TENM3: variants seen among roughly 807,000 people sequenced by gnomAD.
The protein encoded by TENM3 is teneurin-3.
A neutral mutation model predicts 255.1 loss-of-function variants in TENM3; 63 were observed. That is an observed-to-expected ratio of 0.25 (90% CI 0.20 to 0.30). The LOEUF (loss-of-function observed/expected upper bound fraction) is 0.30. TENM3 is among the 10% of genes least tolerant of loss of function. The pLI, the probability that TENM3 is intolerant of heterozygous loss-of-function variation, is 1.00. For synonymous variants in TENM3, 1,306 were observed against 1,322.3 expected (o/e 0.99, Z 0.27); for missense variants, 2,929 against 3,461.1 (o/e 0.85, Z 3.86).
intron 6 of TENM3, among the ~76,000 whole-genome samples, chr4:182,664,394 C>T (rs541534480): frequency 6.6e-6 from 1 of 152,146 alleles, no homozygotes; most frequent in Non-Finnish European, 1.5e-5. Flanking sequence ...TCTGACTGCT[C>T]CGTGACCAGC....
chr4:182,685,083 T>C (rs1024067407), intron 11 of TENM3, among the ~76,000 whole-genome samples: 1 of 152,140 alleles, frequency 6.6e-6, no homozygotes, highest in Non-Finnish European at 1.5e-5. Context: ...AGCTAATGTA[T>C]AATATTGATG....
chr4:182,181,455 TAGTG>T (rs1752836128), intron 1 of TENM3, among the ~76,000 whole-genome samples: 1 of 152,192 alleles, frequency 6.6e-6, no homozygotes, highest in Non-Finnish European at 1.5e-5. Flanking sequence ...AAACCAGTAT[TAGTG>T]AGGAGATCAA....
At chr4:181,683,245 C>T in the TENM3 span, among the ~76,000 whole-genome samples, 11 of 151,894 alleles carry the variant, frequency 7.2e-5, no homozygotes, top group Non-Finnish European at 1.2e-4. Flanking sequence ...TAGCTCATTC[C>T]GACATTTACA....
intron 3 of TENM3, among the ~76,000 whole-genome samples, chr4:182,537,379 C>G (rs1004451542): frequency 6.6e-6 from 1 of 152,170 alleles, no homozygotes; most frequent in Non-Finnish European, 1.5e-5. Flanking sequence ...AGATCTCTCT[C>G]TTGTCTAGTT....
chr4:181,795,180 A>G, the TENM3 span, among the ~76,000 whole-genome samples: 1 of 152,150 alleles, frequency 6.6e-6, no homozygotes, highest in East Asian at 1.9e-4. Context: ...TCAGGCTGCT[A>G]TCACAAAAGT....
At chr4:182,360,633 T>G (rs555949592) in intron 3 of TENM3, among the ~76,000 whole-genome samples, 1 of 152,154 alleles carries the variant, frequency 6.6e-6, no homozygotes, top group Non-Finnish European at 1.5e-5. Context: ...GTGAGATGGG[T>G]TTCCTGAATA....
At chr4:181,799,411 A>C in the TENM3 span, among the ~76,000 whole-genome samples, 1 of 152,262 alleles carries the variant, frequency 6.6e-6, no homozygotes, top group Non-Finnish European at 1.5e-5. Context: ...TGGTGCTTCC[A>C]CAAACGTATC....
the TENM3 span, among the ~76,000 whole-genome samples, chr4:182,081,583 C>CAAAAAA: frequency 8.0e-5 from 7 of 87,468 alleles, no homozygotes; most frequent in Non-Finnish European, 1.1e-4. Flanking sequence ...GGCTCTGCCT[C>CAAAAAA]AAAAAAAAAA....
intron 3 of TENM3, among the ~76,000 whole-genome samples, chr4:182,383,590 C>A (rs1767712431): frequency 6.6e-6 from 1 of 151,868 alleles, no homozygotes; most frequent in African/African-American, 2.4e-5. Flanking sequence ...GAATATAATA[C>A]CCAATAGATA....
chr4:181,564,750 T>C, the TENM3 span, among the ~76,000 whole-genome samples: 1 of 152,194 alleles, frequency 6.6e-6, no homozygotes, highest in Non-Finnish European at 1.5e-5. Context: ...TGACCTCCCA[T>C]AATTTGCAAA....
chr4:181,715,050 T>G, the TENM3 span, among the ~76,000 whole-genome samples: 4 of 152,352 alleles, frequency 2.6e-5, no homozygotes, highest in East Asian at 5.8e-4. Flanking sequence ...GAAAAAGAAC[T>G]GAGGGTTACC....
At chr4:182,135,310 A>G in the TENM3 span, among the ~76,000 whole-genome samples, 1 of 151,592 alleles carries the variant, frequency 6.6e-6, no homozygotes, top group Non-Finnish European at 1.5e-5. Flanking sequence ...TCTTTGTCTC[A>G]CTTGGGACGT....
At chr4:182,347,343 T>C (rs1764894928) in intron 3 of TENM3, among the ~76,000 whole-genome samples, 1 of 152,214 alleles carries the variant, frequency 6.6e-6, no homozygotes, top group African/African-American at 2.4e-5. Context: ...TGTAGATTCC[T>C]CTTGAAGATA....
the TENM3 span, among the ~76,000 whole-genome samples, chr4:181,950,320 C>A: frequency 6.6e-6 from 1 of 152,022 alleles, no homozygotes; most frequent in African/African-American, 2.4e-5. Context: ...TTCGCTGAGT[C>A]CCTTTTCGGA....
At chr4:182,152,864 TAAATA>T (rs1750440181) in intron 1 of TENM3, among the ~76,000 whole-genome samples, 1 of 151,874 alleles carries the variant, frequency 6.6e-6, no homozygotes, top group Admixed American at 6.6e-5. Context: ...GATGTAATTT[TAAATA>T]TTAAATTTAT....
At chr4:182,248,760 A>T (rs1757809205) in intron 1 of TENM3, among the ~76,000 whole-genome samples, 1 of 152,204 alleles carries the variant, frequency 6.6e-6, no homozygotes, top group Non-Finnish European at 1.5e-5. Flanking sequence ...CTGGGATACC[A>T]CAGTAAACCT....
At chr4:182,009,670 C>T in the TENM3 span, among the ~76,000 whole-genome samples, 3 of 152,244 alleles carry the variant, frequency 2.0e-5, no homozygotes, top group Admixed American at 2.0e-4. Flanking sequence ...CCAGTGCTGG[C>T]TACTGCCCCC....
intron 1 of TENM3, among the ~76,000 whole-genome samples, chr4:182,214,009 A>G (rs1007185971): frequency 2.6e-5 from 4 of 152,108 alleles, no homozygotes; most frequent in African/African-American, 9.7e-5. Flanking sequence ...CACTTGTGTT[A>G]GCCAGGATGG....
chr4:181,689,161 G>A, the TENM3 span, among the ~76,000 whole-genome samples: 1 of 152,170 alleles, frequency 6.6e-6, no homozygotes, highest in East Asian at 1.9e-4. Flanking sequence ...CCCCTGCCTG[G>A]ATGGCCAATA....
Sources: gnomAD v4.1 joint callset for allele counts (sites outside exome capture counted in the v4.1 genomes callset) on GRCh38, gnomAD v4.1.1 for gene constraint, MANE v1.5 for transcripts, NCBI Gene and HGNC (gene_info 2026-07-23, HGNC 2026-07-21) for gene names.